The following TM2D1 variants were observed in gnomAD, a reference collection of about 807,000 sequenced individuals.
TM2D1 encodes the protein TM2 domain containing 1.
TM2D1 carries 15 observed loss-of-function variants against 28.4 expected under a neutral mutation model. That is an observed-to-expected ratio of 0.53 (90% CI 0.35 to 0.81). The LOEUF (loss-of-function observed/expected upper bound fraction) is 0.81. TM2D1 is among the 40% of genes least tolerant of loss of function. TM2D1 has a pLI of 0.01. For missense variants in TM2D1, 236 were observed against 254.9 expected (o/e 0.93, Z 0.50); for synonymous variants, 93 against 96.2 (o/e 0.97, Z 0.20).
intron 6 of TM2D1, 76 bp downstream of exon 6, chr1:61,683,341 T>C (rs1644260999): frequency 8.4e-6 from 4 of 478,118 alleles, no homozygotes; most frequent in African/African-American, 2.0e-5. Context: ...AAATTTTCTA[T>C]GGTCCTAAAA....
In TM2D1 at chr1:61,725,084, C is replaced by CCGGAGCAGA. The variant is rs770072838; in HGVS notation, c.28_36dup (p.Ser10_Pro12dup). 9 of 1,613,736 alleles carry CCGGAGCAGA rather than the reference C, an allele frequency of 5.6e-6. No homozygotes were observed. Among genetic ancestry groups the CCGGAGCAGA allele is most frequent in the Admixed American group, 1.7e-5 (1 of 60,008 alleles). ...CCAACGAGTCTGGCCGTCACGGCCT[C>CCGGAGCAGA]CGGAGCAGACGGACCAGACGGCCAG... is the stretch of plus-strand genomic sequence containing the variant. On this transcript the variant is annotated inframe_insertion, in exon 1 of 7. Transcript: ENST00000606498.
chr1:61,708,086 A>G (rs1478651726), intron 3 of TM2D1, among the ~76,000 whole-genome samples: 2 of 152,168 alleles, frequency 1.3e-5, no homozygotes, highest in African/African-American at 2.4e-5. Context: ...AGTTTTTTAG[A>G]GACAGGGTCT....
In TM2D1 at chr1:61,686,306, CT is replaced by C. The variant is rs1358324108; in HGVS notation, c.514-2761del. Reference sequence around the variant, plus strand: ...GTCACAGAAGAAACTGTTTTATTTACTTTTTAAAAAAAAAAGATCAGCTATA... The same window carrying C: ...GTCACAGAAGAAACTGTTTTATTTACTTTTAAAAAAAAAAGATCAGCTATA... On this transcript the variant is annotated intron_variant, in intron 5 of 6. Transcript: ENST00000606498. Among the ~76,000 whole-genome samples, 8 of 2,620 alleles carry C rather than the reference CT, an allele frequency of 3.1e-3. No individual in the cohort carries two copies. In the South Asian group the frequency reaches 0.056, roughly 18 times the overall value. The allele number at this position is 2,620 out of a possible 152,430, so 1.7% of individuals were successfully genotyped here.
chr1:61,710,269 T>C (rs1286624), intron 2 of TM2D1, among the ~76,000 whole-genome samples: 45,020 of 150,472 alleles, frequency 0.3, 7,380 homozygotes, highest in African/African-American at 0.43. Context: ...TACAAAACAA[T>C]ACAAAAATTT....
At position 61,687,620 on chromosome 1, in the gene TM2D1, A is replaced by G. The variant is rs142772842; in HGVS notation, c.514-4074T>C. ...ACTTTGGCAATTGATATGACCCCTC[A>G]TTTAACAGCATTGTCAGTGAAGTCA... On this transcript the variant is annotated intron_variant, in intron 5 of 6. Transcript: ENST00000606498. Among the ~76,000 whole-genome samples the G allele has an allele frequency of 5.7e-3, 868 of 152,308 alleles. 11 individuals are homozygous for G. Among genetic ancestry groups the G allele is most frequent in the African/African-American group, 0.02 (816 of 41,550 alleles).
At chr1:61,719,409 CAGAGAG>C (rs59016152) in intron 2 of TM2D1, among the ~76,000 whole-genome samples, 81 of 149,320 alleles carry the variant, frequency 5.4e-4, no homozygotes, top group Non-Finnish European at 3.4e-4. Flanking sequence ...AGTATATACA[CAGAGAG>C]AGAGAGAGAG....
chr1:61,716,180 A>G (rs997294353), intron 2 of TM2D1, among the ~76,000 whole-genome samples: 1 of 151,046 alleles, frequency 6.6e-6, no homozygotes, highest in Non-Finnish European at 1.5e-5. Flanking sequence ...TTAGCCAGGC[A>G]TGGTGGCATG....
intron 4 of TM2D1, chr1:61,700,041 G>A (rs1223545049): frequency 1.6e-6 from 2 of 1,256,592 alleles, no homozygotes; most frequent in Non-Finnish European, 2.0e-6. Flanking sequence ...AATTTGCTCA[G>A]TGAAGGGCTA....
intron 5 of TM2D1, among the ~76,000 whole-genome samples, chr1:61,690,956 ACT>A (rs888387040): frequency 6.6e-6 from 1 of 152,116 alleles, no homozygotes; most frequent in Admixed American, 6.6e-5. Flanking sequence ...AAGGAAATCC[ACT>A]CTGTCATATT....
intron 4 of TM2D1, 60 bp downstream of exon 4, chr1:61,700,874 A>G: frequency 8.3e-7 from 1 of 1,204,676 alleles, no homozygotes; most frequent in South Asian, 1.3e-5. Context: ...CCATAAGAAC[A>G]CCTACAATGA....
intron 6 of TM2D1, chr1:61,683,155 A>G (rs1644259741): frequency 5.8e-6 from 1 of 173,520 alleles, no homozygotes; most frequent in African/African-American, 2.4e-5. Flanking sequence ...TCAAATAATA[A>G]ATGCCTTTTT....
intron 4 of TM2D1, chr1:61,700,167 A>G: frequency 6.6e-7 from 1 of 1,521,524 alleles, no homozygotes; most frequent in Non-Finnish European, 8.8e-7. Context: ...TCTCGTGACA[A>G]TTTTCCTATC....
chr1:61,693,480 A>AAG (rs554216024), intron 5 of TM2D1, among the ~76,000 whole-genome samples: 3 of 152,194 alleles, frequency 2.0e-5, no homozygotes, highest in South Asian at 4.1e-4. Context: ...GAAAGTGAGA[A>AAG]GCTCATTTCT....
At chr1:61,702,550 T>C (rs1644409565) in intron 3 of TM2D1, among the ~76,000 whole-genome samples, 1 of 150,572 alleles carries the variant, frequency 6.6e-6, no homozygotes, top group Non-Finnish European at 1.5e-5. Flanking sequence ...TGTATTTTTG[T>C]AGAAAAGGGG....
rs562146643 is a variant in TM2D1, at chr1:61,692,364, G to A, written c.513+2333C>T. Among the ~76,000 whole-genome samples, 8 of 151,874 alleles carry A rather than the reference G, an allele frequency of 5.3e-5. No individual in the cohort carries two copies. In the South Asian group the frequency reaches 6.2e-4, roughly 12 times the overall value. On this transcript the variant is annotated intron_variant, in intron 5 of 6. Transcript: ENST00000606498. ...TTTTATAGGTCTTGAATCCATGCCC[G>A]ATACGTTTATGGGATCACAGTCCAA...
chr1:61,722,787 T>C (rs1259261523), intron 2 of TM2D1, among the ~76,000 whole-genome samples: 2 of 152,194 alleles, frequency 1.3e-5, no homozygotes, highest in South Asian at 2.1e-4. Flanking sequence ...AGAATAGAGT[T>C]ACACATAAAG....
At chr1:61,706,364 A>G (rs1430978145) in intron 3 of TM2D1, among the ~76,000 whole-genome samples, 1 of 151,960 alleles carries the variant, frequency 6.6e-6, no homozygotes, top group Non-Finnish European at 1.5e-5. Context: ...CCACCAGCTA[A>G]CTTTTGTATT....
chr1:61,723,694 A>G lies in TM2D1; in HGVS notation c.238+19T>C. On this transcript the variant is annotated intron_variant, in intron 2 of 6. Coordinates refer to ENST00000606498, the MANE Select transcript of TM2D1 (RefSeq NM_032027.3). ...TGTTTTTAAAATTATTTTTAAAGAC[A>G]TGTTTCTTGAAGTCTTACCATGAGC... is the stretch of plus-strand genomic sequence containing the variant. 7.3e-7 allele frequency: 1 copy of G among 1,372,380 alleles called. No individual in the cohort carries two copies. The highest frequency in any genetic ancestry group is 9.9e-7 in the Non-Finnish European group (1 of 1,008,548). The allele number at this position is 1,372,380 out of a possible 1,614,324, so 85.0% of individuals were successfully genotyped here.
At chr1:61,691,969 A>G (rs1304633904) in intron 5 of TM2D1, among the ~76,000 whole-genome samples, 2 of 142,052 alleles carry the variant, frequency 1.4e-5, no homozygotes, top group Non-Finnish European at 3.1e-5. Flanking sequence ...ATGTATATAT[A>G]TATGGCACAA....
Sources: allele counts gnomAD v4.1 joint callset (sites outside exome capture counted in the v4.1 genomes callset), GRCh38; gene constraint gnomAD v4.1.1; transcripts MANE v1.5; gene names NCBI Gene and HGNC (gene_info 2026-07-23, HGNC 2026-07-21).